Variants in ZNF827 observed in about 807,000 individuals in gnomAD.
ZNF827 encodes zinc finger protein 827.
Under a neutral mutation model 102.4 loss-of-function variants are expected in ZNF827, and 13 were observed. The observed-to-expected ratio is 0.13, with a 90% CI of 0.08 to 0.20. ZNF827 has a LOEUF of 0.20. Among genes scored for constraint, ZNF827 ranks in the 10% least tolerant of loss-of-function variants. ZNF827 has a pLI of 1.00. For synonymous variants in ZNF827, 523 were observed against 536.2 expected (o/e 0.98, Z 0.34); for missense variants, 1,103 against 1,344.4 (o/e 0.82, Z 2.81).
At chr4:145,892,153 C>T (rs1750655438) in intron 3 of ZNF827, 90 bp downstream of exon 3, 3 of 1,332,260 alleles carry the variant, frequency 2.3e-6, no homozygotes, top group Non-Finnish European at 3.0e-6. Context: ...AGGCGCCCTC[C>T]CTCGGCCAAG....
At chr4:145,872,934 T>A in intron 4 of ZNF827, among the ~76,000 whole-genome samples, 1 of 148,742 alleles carries the variant, frequency 6.7e-6, no homozygotes, top group South Asian at 2.2e-4. Flanking sequence ...GCAACAATTT[T>A]TTTTTCTTTT....
intron 2 of ZNF827, among the ~76,000 whole-genome samples, chr4:145,900,599 G>A (rs1252877245): frequency 4.0e-5 from 6 of 151,786 alleles, no homozygotes; most frequent in African/African-American, 1.5e-4. Context: ...TAGTAGAGAC[G>A]GAGTTTCACC....
intron 8 of ZNF827, among the ~76,000 whole-genome samples, chr4:145,800,278 AAGTT>A (rs2127101007): frequency 6.6e-6 from 1 of 152,314 alleles, no homozygotes. Context: ...ACCAAACTGT[AAGTT>A]AGAAACTTGA....
At chr4:145,850,700 T>C (rs1746445067) in intron 5 of ZNF827, among the ~76,000 whole-genome samples, 1 of 152,156 alleles carries the variant, frequency 6.6e-6, no homozygotes, top group South Asian at 2.1e-4. Flanking sequence ...GGCCACACTT[T>C]CAAATTAATA....
At position 145,759,534 on chromosome 4, in the gene ZNF827, A is replaced by G. The variant is rs1034353891; in HGVS notation, c.*2082T>C. ...CGATTAGCCAGAAGATCGGCAAAAC[A>G]CAATGGAAACTTGTCAGGGGCATAA... is the stretch of plus-strand genomic sequence containing the variant. On this transcript the variant is annotated 3_prime_UTR_variant, in exon 15 of 15. Transcript: ENST00000508784. 1 of 152,214 alleles carries G rather than the reference A, an allele frequency of 6.6e-6. No individual in the cohort carries two copies. The highest frequency in any genetic ancestry group is 2.4e-5 in the African/African-American group (1 of 41,448). The allele number at this position is 152,214 out of a possible 1,614,324, so 9.4% of individuals were successfully genotyped here. A position where few individuals can be genotyped will look rare whatever the true frequency, so the allele number is the denominator to read the frequency against.
chr4:145,869,755 C>A (rs1162964423), intron 5 of ZNF827, among the ~76,000 whole-genome samples: 1 of 152,178 alleles, frequency 6.6e-6, no homozygotes, highest in East Asian at 1.9e-4. Flanking sequence ...TTATAAAATT[C>A]TCTATCCATA....
chr4:145,804,338 A>G (rs1423390300), intron 8 of ZNF827, among the ~76,000 whole-genome samples: 3 of 152,120 alleles, frequency 2.0e-5, no homozygotes, highest in African/African-American at 4.8e-5. Context: ...TGGACTGCCT[A>G]TTTTTTCACT....
At chr4:145,864,191 C>A (rs1747976668) in intron 5 of ZNF827, among the ~76,000 whole-genome samples, 1 of 151,932 alleles carries the variant, frequency 6.6e-6, no homozygotes, top group Admixed American at 6.6e-5. Context: ...CCCACACACA[C>A]ACACACGCAT....
At chr4:145,903,294 G>C in intron 1 of ZNF827, 79 bp from the exon 2 acceptor site, 2 of 1,500,360 alleles carry the variant, frequency 1.3e-6, no homozygotes, top group Admixed American at 2.1e-5. Context: ...TGGAGGTGAT[G>C]ACATGCTTTC....
intron 3 of ZNF827, among the ~76,000 whole-genome samples, chr4:145,886,542 C>T (rs1036283395): frequency 6.6e-6 from 1 of 152,072 alleles, no homozygotes; most frequent in Non-Finnish European, 1.5e-5. Context: ...CAAGTAATTC[C>T]TCTCACAATA....
rs1734054385 is a variant in ZNF827 at position 145,757,655 on chromosome 4, A to AGAG, written c.*3958_*3960dup. The AGAG allele has an allele frequency of 1.3e-5, 2 of 151,410 alleles. No individual in the cohort carries two copies. The highest frequency in any genetic ancestry group is 1.3e-4 in the Admixed American group (2 of 15,238). 9.4% of individuals were successfully genotyped at this position (151,410 alleles called of 1,614,324 possible). A position where few individuals can be genotyped will look rare whatever the true frequency, so the allele number is the denominator to read the frequency against. On this transcript the variant is annotated 3_prime_UTR_variant, in exon 15 of 15. Coordinates refer to ENST00000508784, the MANE Select transcript of ZNF827 (RefSeq NM_001306215.2). ...AGCCAACCTTTTTTTTTTTTTAATTAGAGTATATTATACTTTCAAACTGGA... is the reference window on the plus strand; with the variant it reads ...AGCCAACCTTTTTTTTTTTTTAATTAGAGGAGTATATTATACTTTCAAACTGGA...
At chr4:145,812,006 C>G (rs957651114) in intron 8 of ZNF827, among the ~76,000 whole-genome samples, 1 of 152,048 alleles carries the variant, frequency 6.6e-6, no homozygotes, top group Non-Finnish European at 1.5e-5. Context: ...CCTCCACCTC[C>G]TGGGTTCAAG....
At chr4:145,866,183 A>C (rs1341145589) in intron 5 of ZNF827, among the ~76,000 whole-genome samples, 6 of 152,192 alleles carry the variant, frequency 3.9e-5, no homozygotes, top group Non-Finnish European at 7.3e-5. Flanking sequence ...TGCATCTTCT[A>C]CTAAATTCTT....
intron 7 of ZNF827, chr4:145,835,173 TCTGA>T (rs1200625543): frequency 4.6e-5 from 7 of 152,232 alleles, no homozygotes; most frequent in African/African-American, 7.2e-5. Flanking sequence ...CCCAAGGCTC[TCTGA>T]CTGACTCCTT....
At chr4:145,839,350 G>C (rs909367392) in intron 7 of ZNF827, 1 of 152,288 alleles carries the variant, frequency 6.6e-6, no homozygotes, top group African/African-American at 2.4e-5. Context: ...GACCAAGGAA[G>C]TGAACCCTGC....
At chr4:145,791,853 A>C (rs1739748067) in intron 8 of ZNF827, among the ~76,000 whole-genome samples, 1 of 152,262 alleles carries the variant, frequency 6.6e-6, no homozygotes, top group African/African-American at 2.4e-5. Context: ...ATCAAGGCAC[A>C]GAATTGATTA....
intron 4 of ZNF827, among the ~76,000 whole-genome samples, chr4:145,872,423 A>G (rs1748777040): frequency 6.6e-6 from 1 of 152,240 alleles, no homozygotes; most frequent in African/African-American, 2.4e-5. Context: ...GAGAGGCCTC[A>G]GGAGAAACCA....
intron 8 of ZNF827, among the ~76,000 whole-genome samples, chr4:145,815,201 G>A (rs79353981): frequency 0.019 from 2,894 of 152,322 alleles, 85 homozygotes; most frequent in African/African-American, 0.066. Flanking sequence ...GACTGAAAGA[G>A]CTCCAGGGAC....
intron 6 of ZNF827, among the ~76,000 whole-genome samples, chr4:145,848,059 C>G (rs994245244): frequency 6.6e-6 from 1 of 152,168 alleles, no homozygotes; most frequent in Non-Finnish European, 1.5e-5. Flanking sequence ...TAGGAGACTG[C>G]GACAGCATAC....
Sources: gnomAD v4.1 joint callset for allele counts (sites outside exome capture counted in the v4.1 genomes callset) on GRCh38, gnomAD v4.1.1 for gene constraint, MANE v1.5 for transcripts, NCBI Gene and HGNC (gene_info 2026-07-23, HGNC 2026-07-21) for gene names.